Variants in SLK observed in about 807,000 individuals in gnomAD.
SLK encodes STE20-like serine/threonine-protein kinase.
In SLK, 67 loss-of-function variants were observed where a neutral mutation model predicts 147.7. That is an observed-to-expected ratio of 0.45 (90% CI 0.37 to 0.56). The LOEUF (loss-of-function observed/expected upper bound fraction) is 0.56. Ranked by LOEUF, SLK falls within the 20% of genes least tolerant of loss-of-function variation. SLK has a pLI of 0.00. For synonymous variants in SLK, 441 were observed against 475.0 expected, an observed-to-expected ratio of 0.93 and a Z score of 0.93; for missense variants, 1,136 against 1,438.8, an observed-to-expected ratio of 0.79 and a Z score of 3.41.
At chr10:104,004,299 C>T (rs1183725334) in intron 9 of SLK, among the ~76,000 whole-genome samples, 1 of 152,098 alleles carries the variant, frequency 6.6e-6, no homozygotes, top group Non-Finnish European at 1.5e-5. Context: ...ACATGTATTC[C>T]TAGGATTTTC....
At chr10:104,014,768 A>G (rs892770101) in intron 13 of SLK, among the ~76,000 whole-genome samples, 13 of 152,304 alleles carry the variant, frequency 8.5e-5, no homozygotes, top group African/African-American at 2.6e-4. Context: ...TTGTTTATCC[A>G]CATTTAAACT....
chr10:103,991,948 T>C (rs1037064082), intron 2 of SLK, among the ~76,000 whole-genome samples: 3 of 151,800 alleles, frequency 2.0e-5, no homozygotes, highest in Non-Finnish European at 4.4e-5. Context: ...TTTAGACAAC[T>C]GTGAGGGGAA....
rs950281657 is a variant in SLK, at chr10:104,028,182, T to A, written c.*2462T>A. 6.6e-6 allele frequency: 1 copy of A among 152,168 alleles called. No homozygotes were observed. The highest frequency in any genetic ancestry group is 2.4e-5 in the African/African-American group (1 of 41,430). The allele number at this position is 152,168 out of a possible 1,614,324, so 9.4% of individuals were successfully genotyped here. On this transcript the variant is annotated 3_prime_UTR_variant, in exon 19 of 19. Transcript: ENST00000369755. ...CGCAGACTTCTTTGAAATCGAAGGG[T>A]ACAGTCAAATCTACTGCTGATTTGG...
chr10:104,005,362 A>G (rs1844310820), intron 9 of SLK, among the ~76,000 whole-genome samples, 199 bp from the exon 10 acceptor site: 2 of 152,236 alleles, frequency 1.3e-5, no homozygotes, highest in East Asian at 3.8e-4. Context: ...AAAGACGTGT[A>G]AGTCAGATGA....
At chr10:104,021,346 G>A (rs1844530738) in intron 17 of SLK, among the ~76,000 whole-genome samples, 1 of 152,152 alleles carries the variant, frequency 6.6e-6, no homozygotes, top group African/African-American at 2.4e-5. Context: ...TCAGTTTTAT[G>A]AGCAAATCTT....
At chr10:103,991,207 T>A (rs965706745) in intron 2 of SLK, among the ~76,000 whole-genome samples, 1 of 152,174 alleles carries the variant, frequency 6.6e-6, no homozygotes, top group Admixed American at 6.5e-5. Flanking sequence ...TATAATTTTT[T>A]ATCCTAAACT....
At chr10:103,988,151 A>G (rs564628809) in intron 1 of SLK, among the ~76,000 whole-genome samples, 129 of 152,324 alleles carry the variant, frequency 8.5e-4, no homozygotes, top group African/African-American at 2.9e-3. Flanking sequence ...TTTGTACACA[A>G]TTCTCTTGAC....
chr10:103,986,918 C>T (rs867640976), intron 1 of SLK, among the ~76,000 whole-genome samples: 35 of 151,998 alleles, frequency 2.3e-4, no homozygotes, highest in African/African-American at 7.0e-4. Context: ...CCTTGTGATC[C>T]GCCCGCCTTG....
chr10:104,001,426 C>G lies in SLK; in HGVS notation c.865-18C>G. 6.2e-7 allele frequency: 1 copy of G among 1,607,296 alleles called. No homozygotes were observed. Among genetic ancestry groups the G allele is most frequent in the Non-Finnish European group, 8.5e-7 (1 of 1,174,536 alleles). The stretch of plus-strand genomic sequence containing the variant: ...TAGTATTCCAGTTGTTGAGTATGTT[C>G]TTTTTAATGATCAACAGCATCCCTT... On this transcript the variant is annotated intron_variant, in intron 7 of 18. Transcript: ENST00000369755.
At chr10:104,014,312 A>G (rs949896670) in intron 13 of SLK, among the ~76,000 whole-genome samples, 3 of 152,180 alleles carry the variant, frequency 2.0e-5, no homozygotes, top group South Asian at 2.1e-4. Flanking sequence ...GTGAGTTTCT[A>G]TTCTCCTTAT....
At chr10:104,010,420 G>A (rs1247562194) in intron 12 of SLK, among the ~76,000 whole-genome samples, 1 of 152,134 alleles carries the variant, frequency 6.6e-6, no homozygotes, top group East Asian at 1.9e-4. Context: ...AATGGCATTA[G>A]CTTTCCTTAT....
At chr10:103,974,706 A>G (rs1484935786) in intron 1 of SLK, 1 of 61,074 alleles carries the variant, frequency 1.6e-5, no homozygotes, top group African/African-American at 6.0e-5. Context: ...GCTGGAGTGC[A>G]GTGGCGCGAT....
At chr10:103,973,003 C>T (rs1186164297) in intron 1 of SLK, among the ~76,000 whole-genome samples, 2 of 152,140 alleles carry the variant, frequency 1.3e-5, no homozygotes, top group African/African-American at 4.8e-5. Flanking sequence ...TTCATTCTCA[C>T]TGTAGTGTCT....
At position 104,019,743 on chromosome 10, in the gene SLK, C is replaced by T. The variant is rs1844510872; in HGVS notation, c.3142C>T (p.Gln1048Ter). The change falls in exon 16 of 19, where the codon CAA becomes TAA. Residue 1048 changes from glutamine (Q) to a stop codon, truncating the protein, a stop_gained. Coordinates refer to ENST00000369755, the MANE Select transcript of SLK (RefSeq NM_014720.4). LOFTEE classifies it high-confidence loss of function. ...TTTAAAACTTTCATAGGAAACAGAG[C>T]AAATGCAGCGTTACAATCAAAGACT... Reference protein sequence around the residue: ...LLKRHEKETEQMQRYNQRLIE... With the variant: ...LLKRHEKETE The T allele has an allele frequency of 6.2e-7, 1 of 1,613,022 alleles. No homozygotes were observed. The highest frequency in any genetic ancestry group is 1.3e-5 in the African/African-American group (1 of 74,870).
At position 104,005,573 on chromosome 10, in the gene SLK, C is replaced by G. The variant is rs376190522; in HGVS notation, c.2362C>G (p.Gln788Glu). ...AAATCTCACTCAGGAAACAAGAAGA[C>G]AAAAGAAAACATTGAAGAAAACACG... ...GSISLQETRR[Q>E]KKTLKKTRKF... The change falls in exon 10 of 19, where the codon CAA (glutamine) becomes GAA (glutamate). Residue 788 changes from glutamine (Q) to glutamate (E), a missense_variant. Physicochemically the swap from Gln to Glu is conservative, Grantham distance 29. This residue lies in a region of SLK where 516 missense variants were observed against 531.3 expected (regional missense o/e 0.97). Coordinates refer to ENST00000369755, the MANE Select transcript of SLK (RefSeq NM_014720.4). 16 of 1,605,272 alleles carry G rather than the reference C, an allele frequency of 1.0e-5. No homozygotes were observed. In the African/African-American group the frequency reaches 2.2e-4, roughly 22 times the overall value.
intron 15 of SLK, among the ~76,000 whole-genome samples, chr10:104,019,366 C>T (rs548589644): frequency 1.4e-4 from 22 of 152,208 alleles, no homozygotes; most frequent in South Asian, 8.3e-4. Flanking sequence ...CCTCGAACTC[C>T]TGGGTTCAAG....
At chr10:104,017,437 T>C (rs1305067298) in intron 13 of SLK, among the ~76,000 whole-genome samples, 5 of 152,174 alleles carry the variant, frequency 3.3e-5, no homozygotes, top group African/African-American at 2.4e-5. Context: ...AATTCTGATA[T>C]CTGTTTTACC....
At chr10:103,977,576 A>C (rs1589525765) in intron 1 of SLK, among the ~76,000 whole-genome samples, 1 of 152,198 alleles carries the variant, frequency 6.6e-6, no homozygotes, top group Non-Finnish European at 1.5e-5. Flanking sequence ...GTGCCACTGC[A>C]CTCCAGCCTT....
chr10:103,982,964 T>G (rs1376792109), intron 1 of SLK, among the ~76,000 whole-genome samples: 1 of 152,252 alleles, frequency 6.6e-6, no homozygotes, highest in Non-Finnish European at 1.5e-5. Flanking sequence ...CTTATACACC[T>G]CATTTCTCTT....
Sources: allele counts gnomAD v4.1 joint callset (sites outside exome capture counted in the v4.1 genomes callset), GRCh38; gene constraint gnomAD v4.1.1; regional missense constraint gnomAD v4.1.1; transcripts MANE v1.5; gene names NCBI Gene and HGNC (gene_info 2026-07-23, HGNC 2026-07-21).